Variants in ENTREP2 observed in about 807,000 individuals in gnomAD.
The protein encoded by ENTREP2 is protein ENTREP2.
the ENTREP2 span, among the ~76,000 whole-genome samples, chr15:29,540,617 C>T: frequency 0.015 from 2,209 of 152,286 alleles, 53 homozygotes; most frequent in African/African-American, 0.051. Flanking sequence ...AGAAAGAGTG[C>T]TATACCATGT....
the ENTREP2 span, among the ~76,000 whole-genome samples, chr15:29,485,950 G>A: frequency 2.6e-5 from 4 of 152,138 alleles, no homozygotes; most frequent in African/African-American, 9.7e-5. Flanking sequence ...AAATCGTATG[G>A]AGATTTCTCA....
chr15:29,315,794 C>T, the ENTREP2 span, among the ~76,000 whole-genome samples: 16 of 152,140 alleles, frequency 1.1e-4, no homozygotes, highest in Admixed American at 2.0e-4. Flanking sequence ...AATGATAAAC[C>T]GCATTATGCA....
chr15:29,191,076 C>T, the ENTREP2 span, among the ~76,000 whole-genome samples: 1 of 152,156 alleles, frequency 6.6e-6, no homozygotes, highest in African/African-American at 2.4e-5. Flanking sequence ...TAAAGCAACA[C>T]CGGATCCCTG....
the ENTREP2 span, among the ~76,000 whole-genome samples, chr15:29,315,883 G>A: frequency 5.9e-5 from 9 of 151,960 alleles, no homozygotes; most frequent in African/African-American, 1.2e-4. Flanking sequence ...AAAACCAAAG[G>A]CTGGAACAAT....
chr15:29,478,592 C>G, the ENTREP2 span, among the ~76,000 whole-genome samples: 4 of 151,968 alleles, frequency 2.6e-5, no homozygotes, highest in African/African-American at 9.7e-5. Context: ...ATATTGAGTT[C>G]TTGCACGATC....
the ENTREP2 span, among the ~76,000 whole-genome samples, chr15:29,439,562 G>A: frequency 6.6e-6 from 1 of 152,260 alleles, no homozygotes; most frequent in Non-Finnish European, 1.5e-5. Context: ...GAGGGAAACA[G>A]AAAGTCACCC....
At chr15:29,337,575 G>GCTA in the ENTREP2 span, among the ~76,000 whole-genome samples, 15 of 152,320 alleles carry the variant, frequency 9.8e-5, no homozygotes, top group African/African-American at 3.6e-4. Flanking sequence ...GATCCCTAGA[G>GCTA]AGCGTGGTCC....
At chr15:29,269,414 T>C in the ENTREP2 span, 2 of 1,614,052 alleles carry the variant, frequency 1.2e-6, no homozygotes, top group African/African-American at 1.3e-5. Flanking sequence ...TGGTCTTTAA[T>C]CAGCAAGAAC....
chr15:29,634,721 C>A, the ENTREP2 span, among the ~76,000 whole-genome samples: 1 of 152,212 alleles, frequency 6.6e-6, no homozygotes, highest in Non-Finnish European at 1.5e-5. Flanking sequence ...AGAACTCCTG[C>A]CTGACTGGCT....
the ENTREP2 span, among the ~76,000 whole-genome samples, chr15:29,413,797 GA>G: frequency 6.6e-6 from 1 of 152,136 alleles, no homozygotes; most frequent in Admixed American, 6.5e-5. Flanking sequence ...TAAAGGGATG[GA>G]GGAAGATCTA....
chr15:29,185,347 C>T, the ENTREP2 span, among the ~76,000 whole-genome samples: 2 of 152,188 alleles, frequency 1.3e-5, no homozygotes, highest in East Asian at 3.9e-4. Context: ...CCAGTCCTAT[C>T]TTTCCTGCCT....
At chr15:29,119,599 T>TAAA in the ENTREP2 span, among the ~76,000 whole-genome samples, 20 of 27,734 alleles carry the variant, frequency 7.2e-4, 3 homozygotes, top group African/African-American at 1.6e-3. Context: ...TAGAGTATAA[T>TAAA]AAAAAAAAAA....
the ENTREP2 span, among the ~76,000 whole-genome samples, chr15:29,350,633 G>A: frequency 6.6e-6 from 1 of 152,134 alleles, no homozygotes; most frequent in African/African-American, 2.4e-5. Flanking sequence ...CAAAAGTTTT[G>A]CAATAATTAT....
At chr15:29,417,074 G>C in the ENTREP2 span, among the ~76,000 whole-genome samples, 4 of 152,208 alleles carry the variant, frequency 2.6e-5, no homozygotes, top group Non-Finnish European at 5.9e-5. Flanking sequence ...AACCATTGTG[G>C]AAGTCAGTGT....
At chr15:29,457,326 G>A in the ENTREP2 span, among the ~76,000 whole-genome samples, 1 of 152,192 alleles carries the variant, frequency 6.6e-6, no homozygotes, top group Admixed American at 6.5e-5. Flanking sequence ...AAATTGTACT[G>A]AATAACAGCT....
At chr15:29,493,388 C>A in the ENTREP2 span, among the ~76,000 whole-genome samples, 1 of 151,690 alleles carries the variant, frequency 6.6e-6, no homozygotes, top group African/African-American at 2.4e-5. Context: ...CCGCCTCGGC[C>A]TCCCAAAGTG....
the ENTREP2 span, among the ~76,000 whole-genome samples, chr15:29,319,518 C>T: frequency 2.0e-5 from 3 of 152,334 alleles, no homozygotes; most frequent in East Asian, 5.8e-4. Flanking sequence ...ACACATAAAC[C>T]ACTGGGTGAG....
the ENTREP2 span, among the ~76,000 whole-genome samples, chr15:29,179,296 T>C: frequency 0.015 from 2,345 of 152,364 alleles, 65 homozygotes; most frequent in African/African-American, 0.054. Context: ...GTGGTGAGTA[T>C]AGGAGCCATG....
chr15:29,278,451 G>T, the ENTREP2 span, among the ~76,000 whole-genome samples: 1 of 152,200 alleles, frequency 6.6e-6, no homozygotes, highest in African/African-American at 2.4e-5. Flanking sequence ...CCAGGCTGTT[G>T]TTCTTTGGGA....
Sources: gnomAD v4.1 joint callset for allele counts (sites outside exome capture counted in the v4.1 genomes callset) on GRCh38, gnomAD v4.1.1 for gene constraint, MANE v1.5 for transcripts, NCBI Gene and HGNC (gene_info 2026-07-23, HGNC 2026-07-21) for gene names.